The following SLC26A4 variants were observed in gnomAD, a reference collection of about 807,000 sequenced individuals.
The protein encoded by SLC26A4 is pendrin.
Under a neutral mutation model 90.4 loss-of-function variants are expected in SLC26A4, and 93 were observed. The ratio of observed to expected loss-of-function variants is 1.03; its 90% confidence interval spans 0.87 to 1.22. SLC26A4 has a LOEUF of 1.22. SLC26A4 is among the 50% of genes most tolerant of loss of function. SLC26A4 has a pLI of 0.00. For missense variants in SLC26A4, 1,127 were observed against 946.2 expected (o/e 1.19, Z -2.51); for synonymous variants, 393 against 354.6 (o/e 1.11, Z -1.22).
chr7:107,688,838 G>A (rs1010792262), intron 8 of SLC26A4, among the ~76,000 whole-genome samples: 1 of 152,206 alleles, frequency 6.6e-6, no homozygotes, highest in Admixed American at 6.5e-5. Context: ...CTCAAAAATA[G>A]AGGACAAAGA....
At chr7:107,695,176 A>G (rs1423698063) in intron 12 of SLC26A4, among the ~76,000 whole-genome samples, 1 of 152,234 alleles carries the variant, frequency 6.6e-6, no homozygotes, top group Non-Finnish European at 1.5e-5. Context: ...AACCATAAAA[A>G]GAATGAGAAG....
At chr7:107,698,208 G>T (rs528155501) in intron 14 of SLC26A4, 97 bp downstream of exon 14, 1 of 818,726 alleles carries the variant, frequency 1.2e-6, no homozygotes, top group Non-Finnish European at 2.1e-6. Flanking sequence ...GGGAGAAAAT[G>T]CCTATTGGGA....
At chr7:107,694,800 C>T in intron 12 of SLC26A4, 84 bp downstream of exon 12, 1 of 926,638 alleles carries the variant, frequency 1.1e-6, no homozygotes, top group East Asian at 2.4e-5. Flanking sequence ...TCCCCCCATC[C>T]CCTAAGTCTC....
intron 10 of SLC26A4, chr7:107,692,149 A>T: frequency 8.7e-7 from 1 of 1,145,794 alleles, no homozygotes; most frequent in South Asian, 1.4e-5. Flanking sequence ...GTAAGCTAAT[A>T]CCCCCTGCCA....
At chr7:107,678,271 A>C (rs952137321) in intron 6 of SLC26A4, among the ~76,000 whole-genome samples, 1 of 152,206 alleles carries the variant, frequency 6.6e-6, no homozygotes, top group African/African-American at 2.4e-5. Flanking sequence ...ACCATGTGCC[A>C]GGCACTGTTC....
At chr7:107,663,263 G>A (rs183198888) in intron 2 of SLC26A4, 33 bp from the exon 3 acceptor site, 1 of 1,613,958 alleles carries the variant, frequency 6.2e-7, no homozygotes, top group East Asian at 2.2e-5. Flanking sequence ...ACTGAGATTG[G>A]ATTGAAAACC....
At chr7:107,699,831 G>T (rs995448864) in intron 14 of SLC26A4, among the ~76,000 whole-genome samples, 1 of 151,968 alleles carries the variant, frequency 6.6e-6, no homozygotes, top group African/African-American at 2.4e-5. Flanking sequence ...GGGAGGCTGA[G>T]GCAGGAGAAT....
At chr7:107,686,430 T>TTTCTTTCTTTCTTTCTTTCA (rs1791417917) in intron 8 of SLC26A4, among the ~76,000 whole-genome samples, 2 of 87,610 alleles carry the variant, frequency 2.3e-5, no homozygotes, top group Non-Finnish European at 4.3e-5. Flanking sequence ...TCTTTCTTTC[T>TTTCTTTCTTTCTTTCTTTCA]TTCTTTCTTT....
chr7:107,710,544 C>A (rs1792155486), intron 19 of SLC26A4, among the ~76,000 whole-genome samples: 1 of 152,080 alleles, frequency 6.6e-6, no homozygotes, highest in African/African-American at 2.4e-5. Context: ...TACATAAATT[C>A]CACTTAAATT....
Position 107,707,605 on chromosome 7 carries a change from A to G in SLC26A4, c.2090-2449A>G, listed in dbSNP as rs148655597. Among the ~76,000 whole-genome samples, 673 of 152,360 alleles carry G rather than the reference A, an allele frequency of 4.4e-3. 3 individuals are homozygous for G. Among genetic ancestry groups the G allele is most frequent in the African/African-American group, 0.015 (629 of 41,594 alleles). On this transcript the variant is annotated intron_variant, in intron 18 of 20. Transcript: ENST00000644269. ...CTGTGGCACACAACAATTTAAAATAACCAAAATTATGACTGGTAGCATTTA... is the reference window on the plus strand; with the variant it reads ...CTGTGGCACACAACAATTTAAAATAGCCAAAATTATGACTGGTAGCATTTA...
At chr7:107,680,540 T>G (rs1791205021) in intron 6 of SLC26A4, among the ~76,000 whole-genome samples, 1 of 149,518 alleles carries the variant, frequency 6.7e-6, no homozygotes, top group South Asian at 2.1e-4. Context: ...GCAGTTTACA[T>G]GGTGAGTTTT....
chr7:107,704,256 CAAGT>C (rs1263839051), intron 17 of SLC26A4, 71 bp from the exon 18 acceptor site: 1 of 719,020 alleles, frequency 1.4e-6, no homozygotes, highest in African/African-American at 1.7e-5. Context: ...TTCTCCTGAG[CAAGT>C]AACTGAATGC....
chr7:107,690,343 G>A, intron 10 of SLC26A4, 106 bp downstream of exon 10: 1 of 763,184 alleles, frequency 1.3e-6, no homozygotes, highest in South Asian at 1.4e-5. Flanking sequence ...TTTCAGACTT[G>A]TACTTCCTAA....
intron 8 of SLC26A4, among the ~76,000 whole-genome samples, chr7:107,686,550 T>G (rs1791426201): frequency 2.0e-5 from 3 of 151,652 alleles, no homozygotes; most frequent in South Asian, 4.2e-4. Flanking sequence ...TGCAGTGGCA[T>G]GATCTCGGCT....
intron 5 of SLC26A4, 25 bp from the exon 6 acceptor site, chr7:107,674,920 T>C: frequency 6.2e-7 from 1 of 1,611,758 alleles, no homozygotes; most frequent in Non-Finnish European, 8.5e-7. Context: ...AACATTTAAT[T>C]TTTCTTTCCT....
At chr7:107,672,482 G>A (rs1405691235) in intron 4 of SLC26A4, among the ~76,000 whole-genome samples, 2 of 151,428 alleles carry the variant, frequency 1.3e-5, no homozygotes, top group Non-Finnish European at 1.5e-5. Flanking sequence ...CTGATGTTAG[G>A]TAACTTTTTT....
chr7:107,704,000 A>G (rs565188483), intron 17 of SLC26A4, among the ~76,000 whole-genome samples: 11 of 152,324 alleles, frequency 7.2e-5, no homozygotes, highest in African/African-American at 2.2e-4. Flanking sequence ...CCCGATAAGC[A>G]TAGCCACACC....
At chr7:107,663,211 C>G in intron 2 of SLC26A4, 85 bp from the exon 3 acceptor site, 1 of 1,363,348 alleles carries the variant, frequency 7.3e-7, no homozygotes. Flanking sequence ...TAAACATCAG[C>G]AGAATCCAGT....
At position 107,674,971 on chromosome 7, in the gene SLC26A4, A is replaced by G. The variant is rs777384642; in HGVS notation, c.627A>G (p.Gly209=). Residue 209 remains glycine (G), a synonymous_variant, in exon 6 of 21, where the codon GGA becomes GGG. Coordinates refer to ENST00000644269, the MANE Select transcript of SLC26A4 (RefSeq NM_000441.2). ...TGATATTTGGTGGCTTGCAGATTGG[A>G]TTCATAGTGAGGTACTTGGCAGATC... ...IQLIFGGLQI[G]FIVRYLADPL... 4.3e-6 allele frequency: 7 copies of G among 1,613,850 alleles called. No homozygotes were observed. The African/African-American group carries it at 8.0e-5, about 18-fold the overall frequency.
Sources: allele counts gnomAD v4.1 joint callset (sites outside exome capture counted in the v4.1 genomes callset), GRCh38; gene constraint gnomAD v4.1.1; transcripts MANE v1.5; gene names NCBI Gene and HGNC (gene_info 2026-07-23, HGNC 2026-07-21).